Variants in DNAJC10 observed in about 807,000 individuals in gnomAD.
DNAJC10 encodes the protein endoplasmic reticulum disulfide reductase DNAJC10.
DNAJC10 carries 101 observed loss-of-function variants against 115.0 expected under a neutral mutation model. That is an observed-to-expected ratio of 0.88 (90% confidence interval 0.75 to 1.04). The LOEUF (loss-of-function observed/expected upper bound fraction) is 1.04. Among genes scored for constraint, DNAJC10 ranks in the 50% least tolerant of loss-of-function variants. The pLI is 0.00. For missense variants in DNAJC10, 981 were observed against 928.8 expected (o/e 1.06, Z -0.73); for synonymous variants, 307 against 301.5 (o/e 1.02, Z -0.19).
At chr2:182,751,578 T>G in intron 14 of DNAJC10, 80 bp from the exon 15 acceptor site, 1 of 1,447,630 alleles carries the variant, frequency 6.9e-7, no homozygotes, top group Non-Finnish European at 9.5e-7. Context: ...TTTAGTATTC[T>G]GAGTATTAAA....
intron 14 of DNAJC10, among the ~76,000 whole-genome samples, chr2:182,749,874 A>G (rs558042151): frequency 1.3e-5 from 2 of 152,310 alleles, no homozygotes; most frequent in Non-Finnish European, 2.9e-5. Context: ...ATGAGGTTGC[A>G]TTCAAAATAT....
chr2:182,740,159 CA>C, intron 11 of DNAJC10, 139 bp from the exon 12 acceptor site: 1 of 1,161,288 alleles, frequency 8.6e-7, no homozygotes, highest in Non-Finnish European at 1.1e-6. Context: ...TGAAAAAAGA[CA>C]TTTGGAATTG....
rs939356969 is a variant in DNAJC10, at chr2:182,777,091, T to C, written c.2371-30T>C. The stretch of plus-strand genomic sequence containing the variant: ...ACATTACCAACTCATACTTTCTCCT[T>C]TCTCTATCGCCTTTACATTATTATT... On this transcript the variant is annotated intron_variant, in intron 23 of 23. Transcript: ENST00000264065. 3 of 1,346,996 alleles carry C rather than the reference T, an allele frequency of 2.2e-6. No homozygotes were observed. The African/African-American group carries it at 4.4e-5, about 20-fold the overall frequency. The allele number at this position is 1,346,996 out of a possible 1,614,324, so 83.4% of individuals were successfully genotyped here. A position where few individuals can be genotyped will look rare whatever the true frequency, so the allele number is the denominator to read the frequency against.
intron 10 of DNAJC10, among the ~76,000 whole-genome samples, chr2:182,733,376 C>G (rs1273922616): frequency 6.6e-6 from 1 of 151,800 alleles, no homozygotes; most frequent in East Asian, 1.9e-4. Context: ...TCACCCTATG[C>G]CTAGGCCTTT....
Position 182,781,127 on chromosome 2 carries a change from C to G in DNAJC10, c.*3995C>G, listed in dbSNP as rs1441851847. On this transcript the variant is annotated 3_prime_UTR_variant, in exon 24 of 24. Coordinates refer to ENST00000264065, the MANE Select transcript of DNAJC10 (RefSeq NM_018981.4). The stretch of plus-strand genomic sequence containing the variant: ...TGTTGTCCTTCCCCTTGCCCCCTAC[C>G]CCGCCGACAGGCCCCATTGTTGATG... 2.0e-5 allele frequency: 3 copies of G among 152,060 alleles called. No homozygotes were observed. The highest frequency in any genetic ancestry group is 7.2e-5 in the African/African-American group (3 of 41,380). 9.4% of individuals were successfully genotyped at this position (152,060 alleles called of 1,614,324 possible).
At chr2:182,731,151 T>A in intron 9 of DNAJC10, 44 bp downstream of exon 9, 1 of 1,463,308 alleles carries the variant, frequency 6.8e-7, no homozygotes, top group South Asian at 1.2e-5. Context: ...ACATGACATT[T>A]AAATTTTTGG....
chr2:182,755,012 C>T lies in DNAJC10; in HGVS notation c.1561C>T (p.Gln521Ter). 6.3e-7 allele frequency: 1 copy of T among 1,591,258 alleles called. No individual in the cohort carries two copies. The highest frequency in any genetic ancestry group is 2.2e-5 in the East Asian group (1 of 44,646). Residue 521 changes from glutamine (Q) to a stop codon, truncating the protein, a stop_gained, in exon 17 of 24, where the codon CAG (glutamine) becomes TAG (stop). Coordinates refer to ENST00000264065, the MANE Select transcript of DNAJC10 (RefSeq NM_018981.4). LOFTEE classifies it high-confidence loss of function. ...HEGLCNMYNI[Q>*]AYPTTVVFNQ... ...TTCTCCTTCCTATCAGTATAACATT[C>T]AGGCTTATCCAACAACAGTGGTATT...
chr2:182,747,573 T>A (rs995688526), intron 14 of DNAJC10, among the ~76,000 whole-genome samples: 8 of 152,030 alleles, frequency 5.3e-5, no homozygotes, highest in African/African-American at 1.9e-4. Flanking sequence ...TTTTGCACAT[T>A]GATTTTGTAT....
At chr2:182,770,467 T>G (rs1694531706) in intron 22 of DNAJC10, among the ~76,000 whole-genome samples, 1 of 152,252 alleles carries the variant, frequency 6.6e-6, no homozygotes, top group Admixed American at 6.5e-5. Context: ...TTCTTCCATT[T>G]GTTTGTGTCC....
rs543881390 is a variant in DNAJC10 at position 182,787,977 on chromosome 2, T to C, written c.*10845T>C. ...ATTAGGTGTCTCTAAATTGAAGTAA[T>C]GCTCACATAGAAAAATTAAGGCATA... On this transcript the variant is annotated 3_prime_UTR_variant, in exon 24 of 24. Transcript: ENST00000264065. 6.6e-6 allele frequency: 1 copy of C among 152,292 alleles called. No homozygotes were observed. Among genetic ancestry groups the C allele is most frequent in the East Asian group, 1.9e-4 (1 of 5,176 alleles). 9.4% of individuals were successfully genotyped at this position (152,292 alleles called of 1,614,324 possible).
At position 182,787,110 on chromosome 2, in the gene DNAJC10, A is replaced by AT. The variant is rs1483383482; in HGVS notation, c.*9982dup. 1.3e-5 allele frequency: 2 copies of AT among 152,202 alleles called. No individual in the cohort carries two copies. The highest frequency in any genetic ancestry group is 4.8e-5 in the African/African-American group (2 of 41,438). 9.4% of individuals were successfully genotyped at this position (152,202 alleles called of 1,614,324 possible). On this transcript the variant is annotated 3_prime_UTR_variant, in exon 24 of 24. Transcript: ENST00000264065. ...TGTGTTTTTTTAAGCCAGCCAGTTC[A>AT]TTTTGTTATAGCAGCCTGGACAGAC...
intron 15 of DNAJC10, 49 bp downstream of exon 15, chr2:182,751,834 G>A: frequency 6.3e-7 from 1 of 1,583,814 alleles, no homozygotes. Flanking sequence ...ATCTTCTCCT[G>A]TTATGGCAAA....
In DNAJC10 at chr2:182,793,169, G is replaced by C. The variant is rs1300171387; in HGVS notation, c.*16037G>C. On this transcript the variant is annotated 3_prime_UTR_variant, in exon 24 of 24. Transcript: ENST00000264065. ...AGAAAGGCCAGAGGACAGGCTCCAA[G>C]GCATGCTTGGCAGGTTCAAGGAACA... 6.6e-6 allele frequency: 1 copy of C among 152,234 alleles called. No homozygotes were observed. The highest frequency in any genetic ancestry group is 2.4e-5 in the African/African-American group (1 of 41,420). 9.4% of individuals were successfully genotyped at this position (152,234 alleles called of 1,614,324 possible).
chr2:182,760,644 T>C (rs1277707823), intron 21 of DNAJC10, among the ~76,000 whole-genome samples: 1 of 152,200 alleles, frequency 6.6e-6, no homozygotes, highest in Non-Finnish European at 1.5e-5. Context: ...ATTAGTGACC[T>C]AATCCAGATT....
rs145313288 is a variant in DNAJC10 at position 182,717,506 on chromosome 2, A to G, written c.-147+434A>G. 2.8e-3 allele frequency among the ~76,000 whole-genome samples: 427 copies of G among 152,308 alleles called. 1 individual carries two copies. The highest frequency in any genetic ancestry group is 9.5e-3 in the African/African-American group (395 of 41,568). On this transcript the variant is annotated intron_variant, in intron 2 of 23. Coordinates refer to ENST00000264065, the MANE Select transcript of DNAJC10 (RefSeq NM_018981.4). ...AGTAAAAAACCCTATGTTTCCTTCT[A>G]GTCCCTCCCAAGGACATTTCCTACA... is the stretch of plus-strand genomic sequence containing the variant.
chr2:182,743,544 A>G lies in DNAJC10; in HGVS notation c.1192-54A>G, dbSNP rs1028351428. 3.0e-6 allele frequency: 4 copies of G among 1,317,610 alleles called. No individual in the cohort carries two copies. The Admixed American group carries it at 7.1e-5, about 23-fold the overall frequency. 81.6% of individuals were successfully genotyped at this position (1,317,610 alleles called of 1,614,324 possible). ...TTTTTGGATTATCATGAATATTTACAAATCAAATGGGTAAGACAGTGTTTT... is the reference window on the plus strand; with the variant it reads ...TTTTTGGATTATCATGAATATTTACGAATCAAATGGGTAAGACAGTGTTTT... On this transcript the variant is annotated intron_variant, in intron 13 of 23. Coordinates refer to ENST00000264065, the MANE Select transcript of DNAJC10 (RefSeq NM_018981.4).
rs1694924920 is a variant in DNAJC10, at chr2:182,785,207, A to AT, written c.*8077dup. On this transcript the variant is annotated 3_prime_UTR_variant, in exon 24 of 24. Transcript: ENST00000264065. ...ACATACATGTATTGGAGCTCAGCAG[A>AT]TTCCCATTCATGAAGAATGGTGCCT... 6.6e-6 allele frequency: 1 copy of AT among 152,216 alleles called. No homozygotes were observed. The highest frequency in any genetic ancestry group is 2.1e-4 in the South Asian group (1 of 4,830). The allele number at this position is 152,216 out of a possible 1,614,324, so 9.4% of individuals were successfully genotyped here. A position where few individuals can be genotyped will look rare whatever the true frequency, so the allele number is the denominator to read the frequency against.
rs1230381053 is a variant in DNAJC10, at chr2:182,781,098, C to T, written c.*3966C>T. 4 of 152,040 alleles carry T rather than the reference C, an allele frequency of 2.6e-5. No individual in the cohort carries two copies. The highest frequency in any genetic ancestry group is 7.3e-5 in the African/African-American group (3 of 41,376). The allele number at this position is 152,040 out of a possible 1,614,324, so 9.4% of individuals were successfully genotyped here. A position where few individuals can be genotyped will look rare whatever the true frequency, so the allele number is the denominator to read the frequency against. On this transcript the variant is annotated 3_prime_UTR_variant, in exon 24 of 24. Transcript: ENST00000264065. ...CTGTCATCTACATTAGCTATTTCTT[C>T]TAATGTTGTCCTTCCCCTTGCCCCC...
rs1250512569 is a variant in DNAJC10, at chr2:182,785,189, T to A, written c.*8057T>A. ...CTATAGACATGTAAAGATACATACA[T>A]GTATTGGAGCTCAGCAGATTCCCAT... On this transcript the variant is annotated 3_prime_UTR_variant, in exon 24 of 24. Coordinates refer to ENST00000264065, the MANE Select transcript of DNAJC10 (RefSeq NM_018981.4). 1 of 152,180 alleles carries A rather than the reference T, an allele frequency of 6.6e-6. No homozygotes were observed. The highest frequency in any genetic ancestry group is 2.4e-5 in the African/African-American group (1 of 41,450). 9.4% of individuals were successfully genotyped at this position (152,180 alleles called of 1,614,324 possible). A position where few individuals can be genotyped will look rare whatever the true frequency, so the allele number is the denominator to read the frequency against.
Sources: gnomAD v4.1 joint callset for allele counts (sites outside exome capture counted in the v4.1 genomes callset) on GRCh38, gnomAD v4.1.1 for gene constraint, MANE v1.5 for transcripts, NCBI Gene and HGNC (gene_info 2026-07-23, HGNC 2026-07-21) for gene names.